Variants in CAMTA1 observed in about 807,000 individuals in gnomAD.
CAMTA1 encodes the protein calmodulin binding transcription activator 1.
CAMTA1 carries 27 observed loss-of-function variants against 170.9 expected under a neutral mutation model. The ratio of observed to expected loss-of-function variants is 0.16; its 90% confidence interval spans 0.12 to 0.22. The LOEUF (loss-of-function observed/expected upper bound fraction) is 0.22, where lower values mean the gene tolerates loss of function less well. CAMTA1 is among the 10% of genes least tolerant of loss of function. CAMTA1 has a pLI of 1.00. For missense variants in CAMTA1, 1,619 were observed against 2,217.2 expected (o/e 0.73, Z 5.42); for synonymous variants, 833 against 891.5 (o/e 0.93, Z 1.17).
rs1331761963 is a variant in CAMTA1 at position 7,091,330 on chromosome 1, T to C, written c.261T>C (p.Phe87=). 6.2e-7 allele frequency: 1 copy of C among 1,612,916 alleles called. No individual in the cohort carries two copies. Among genetic ancestry groups the C allele is most frequent in the Non-Finnish European group, 8.5e-7 (1 of 1,178,928 alleles). Residue 87 remains phenylalanine (F), a synonymous_variant, in exon 4 of 23, where the codon TTT becomes TTC. Transcript: ENST00000303635. ...NEEIAAYLIT[F]EKHEEWLTTS... Reference sequence around the variant, plus strand: ...AAATTGCAGCTTATTTAATAACATTTGAGAAACACGAAGAATGGCTAACCA... The same window carrying C: ...AAATTGCAGCTTATTTAATAACATTCGAGAAACACGAAGAATGGCTAACCA...
intron 1 of CAMTA1, among the ~76,000 whole-genome samples, chr1:6,792,099 G>A (rs1284392738): frequency 2.0e-5 from 3 of 151,772 alleles, no homozygotes; most frequent in South Asian, 2.1e-4. Context: ...GATTACAGGC[G>A]TGCACCACCA....
At chr1:7,137,729 C>T (rs1645624420) in intron 4 of CAMTA1, among the ~76,000 whole-genome samples, 1 of 152,166 alleles carries the variant, frequency 6.6e-6, no homozygotes, top group Non-Finnish European at 1.5e-5. Context: ...GAGGCTCCCT[C>T]CCTCGTTTCC....
chr1:7,069,237 A>G (rs11584416), intron 3 of CAMTA1, among the ~76,000 whole-genome samples: 27,048 of 152,204 alleles, frequency 0.18, 2,997 homozygotes, highest in African/African-American at 0.31. Flanking sequence ...GCCACATGCT[A>G]TGCAGAAGGT....
chr1:7,342,485 G>A (rs1173576951), intron 5 of CAMTA1, among the ~76,000 whole-genome samples: 1 of 152,104 alleles, frequency 6.6e-6, no homozygotes, highest in African/African-American at 2.4e-5. Context: ...AGTGAGACTG[G>A]GACTGAAGCA....
At chr1:7,560,071 G>T (rs1576055838) in intron 6 of CAMTA1, among the ~76,000 whole-genome samples, 1 of 152,290 alleles carries the variant, frequency 6.6e-6, no homozygotes, top group East Asian at 1.9e-4. Context: ...GCTGAGGATG[G>T]ATCTAAATGG....
At chr1:6,830,636 C>G (rs1017422838) in intron 3 of CAMTA1, among the ~76,000 whole-genome samples, 1 of 152,104 alleles carries the variant, frequency 6.6e-6, no homozygotes, top group African/African-American at 2.4e-5. Context: ...AGCCACGGCG[C>G]CCAGCTTAAA....
At chr1:7,529,730 T>C (rs2094470059) in intron 6 of CAMTA1, among the ~76,000 whole-genome samples, 1 of 152,164 alleles carries the variant, frequency 6.6e-6, no homozygotes, top group Admixed American at 6.5e-5. Flanking sequence ...CCTTAACATC[T>C]CTATCTGTAA....
intron 5 of CAMTA1, among the ~76,000 whole-genome samples, chr1:7,429,498 GATGGTGGTA>G (rs1575275397): frequency 2.0e-5 from 3 of 152,078 alleles, no homozygotes. Context: ...TGATGGTGAT[GATGGTGGTA>G]ATGGTGGTAC....
At chr1:7,262,422 C>T (rs1205944358) in intron 5 of CAMTA1, among the ~76,000 whole-genome samples, 8 of 152,072 alleles carry the variant, frequency 5.3e-5, no homozygotes, top group South Asian at 2.1e-4. Context: ...ATTAGCCGGG[C>T]GTGGTGGCGC....
In CAMTA1 at chr1:6,911,277, A is replaced by G. The variant is rs1039362724; in HGVS notation, c.234+86067A>G. On this transcript the variant is annotated intron_variant, in intron 3 of 22. Transcript: ENST00000303635. ...TGGTCCTTGGAGGGAGTTGGGGCCC[A>G]GGAGGCCACCTGCATGAAGAAGCCC... Among the ~76,000 whole-genome samples, 3 of 152,286 alleles carry G rather than the reference A, an allele frequency of 2.0e-5. No individual in the cohort carries two copies. The South Asian group carries it at 6.2e-4, about 32-fold the overall frequency.
At chr1:7,040,504 A>T (rs989447722) in intron 3 of CAMTA1, among the ~76,000 whole-genome samples, 1 of 152,134 alleles carries the variant, frequency 6.6e-6, no homozygotes, top group Non-Finnish European at 1.5e-5. Flanking sequence ...CATTAATTCC[A>T]TCAAGAATTC....
intron 4 of CAMTA1, among the ~76,000 whole-genome samples, chr1:7,240,161 A>T (rs948817711): frequency 6.6e-6 from 1 of 152,180 alleles, no homozygotes; most frequent in Non-Finnish European, 1.5e-5. Context: ...CCATTAATTC[A>T]TTAGGGATGA....
rs192121998 is a variant in CAMTA1 at position 7,063,362 on chromosome 1, G to A, written c.235-27942G>A. Among the ~76,000 whole-genome samples, 73 of 152,300 alleles carry A rather than the reference G, an allele frequency of 4.8e-4. 1 individual carries two copies. The highest frequency in any genetic ancestry group is 1.5e-3 in the African/African-American group (61 of 41,558). On this transcript the variant is annotated intron_variant, in intron 3 of 22. Transcript: ENST00000303635. The surrounding 1 kb of genome is among the most constrained non-coding windows in gnomAD (Gnocchi z 4.3). The stretch of plus-strand genomic sequence containing the variant: ...CCCAGAGGGAGGTGTCATCTGCAGC[G>A]CTTTGCTTACCCGTTTGACCACGAC...
At chr1:7,190,336 A>G (rs1271752409) in intron 4 of CAMTA1, among the ~76,000 whole-genome samples, 1 of 152,234 alleles carries the variant, frequency 6.6e-6, no homozygotes, top group Non-Finnish European at 1.5e-5. Flanking sequence ...AACTACACAT[A>G]TGAATAGATA....
chr1:7,027,560 C>G (rs76540795), intron 3 of CAMTA1, among the ~76,000 whole-genome samples: 3 of 152,148 alleles, frequency 2.0e-5, no homozygotes, highest in African/African-American at 7.2e-5. Flanking sequence ...GTGGCAGATG[C>G]GGTGACGCCC....
At chr1:7,273,301 T>C (rs1670120896) in intron 5 of CAMTA1, among the ~76,000 whole-genome samples, 1 of 152,232 alleles carries the variant, frequency 6.6e-6, no homozygotes, top group African/African-American at 2.4e-5. Context: ...ATACCATTAT[T>C]AATCATAGCA....
chr1:6,818,302 ACT>A (rs1399918476), intron 1 of CAMTA1, among the ~76,000 whole-genome samples: 1 of 152,166 alleles, frequency 6.6e-6, no homozygotes, highest in Non-Finnish European at 1.5e-5. Context: ...CCACCACTAC[ACT>A]CCAGTCTGGG....
intron 5 of CAMTA1, among the ~76,000 whole-genome samples, chr1:7,275,076 A>C (rs1005551898): frequency 1.5e-5 from 2 of 132,692 alleles, no homozygotes; most frequent in Non-Finnish European, 3.1e-5. Flanking sequence ...CAGGAGGCGG[A>C]GGTTGCAGTG....
chr1:6,820,274 C>T (rs1333214129), intron 2 of CAMTA1, 24 bp downstream of exon 2: 4 of 1,613,522 alleles, frequency 2.5e-6, no homozygotes, highest in Non-Finnish European at 3.4e-6. Context: ...AAGCTTTTGA[C>T]TTACAGGAAG....
Sources: gnomAD v4.1 joint callset for allele counts (sites outside exome capture counted in the v4.1 genomes callset) on GRCh38, gnomAD v4.1.1 for gene constraint, Gnocchi (gnomAD v3.1) non-coding constraint, MANE v1.5 for transcripts, NCBI Gene and HGNC (gene_info 2026-07-23, HGNC 2026-07-21) for gene names.